Variants in NLRP14 observed in about 807,000 individuals in gnomAD.
NLRP14 encodes NACHT, LRR and PYD domains-containing protein 14.
NLRP14 carries 105 observed loss-of-function variants against 94.7 expected under a neutral mutation model. That is an observed-to-expected ratio of 1.11 (90% confidence interval 0.95 to 1.30). The LOEUF (loss-of-function observed/expected upper bound fraction) is 1.30. Ranked by LOEUF, NLRP14 falls within the 50% of genes most tolerant of loss-of-function variation. NLRP14 has a pLI of 0.00. For missense variants in NLRP14, 1,362 were observed against 1,254.1 expected (o/e 1.09, Z -1.30); for synonymous variants, 508 against 459.9 (o/e 1.10, Z -1.34).
chr11:7,082,036 C>G, the NLRP14 span, among the ~76,000 whole-genome samples: 1 of 152,132 alleles, frequency 6.6e-6, no homozygotes, highest in African/African-American at 2.4e-5. Flanking sequence ...CAAAGGGGCT[C>G]TTTATGGATA....
chr11:7,035,019 T>C (rs2119584492), intron 1 of NLRP14, among the ~76,000 whole-genome samples: 1 of 152,266 alleles, frequency 6.6e-6, no homozygotes, highest in South Asian at 2.1e-4. Context: ...GCACCATGGC[T>C]CATGCCTGTC....
the NLRP14 span, chr11:7,089,049 G>A: frequency 1.2e-5 from 19 of 1,532,702 alleles, no homozygotes; most frequent in African/African-American, 2.7e-5. Context: ...CTCGACGAGC[G>A]AGCTCGAAGG....
intron 1 of NLRP14, among the ~76,000 whole-genome samples, chr11:7,036,000 G>GT (rs1852155365): frequency 6.6e-6 from 1 of 152,132 alleles, no homozygotes; most frequent in Non-Finnish European, 1.5e-5. Flanking sequence ...CTGAGACTCC[G>GT]TATCTATAAA....
chr11:7,034,663 A>G (rs1453310593), intron 1 of NLRP14, among the ~76,000 whole-genome samples: 3 of 152,194 alleles, frequency 2.0e-5, no homozygotes, highest in Non-Finnish European at 4.4e-5. Flanking sequence ...TTAACAATAT[A>G]TCTTCAAATA....
the NLRP14 span, among the ~76,000 whole-genome samples, chr11:7,080,838 G>T: frequency 6.6e-6 from 1 of 152,194 alleles, no homozygotes; most frequent in Non-Finnish European, 1.5e-5. Flanking sequence ...AACATGAGAG[G>T]TGCTCCTGGC....
At chr11:7,031,385 G>A (rs1852092978) in intron 1 of NLRP14, among the ~76,000 whole-genome samples, 1 of 152,342 alleles carries the variant, frequency 6.6e-6, no homozygotes, top group African/African-American at 2.4e-5. Context: ...ACACCCCAGG[G>A]TGGGACACTT....
chr11:7,074,072 T>C (rs912883474), downstream of NLRP14, among the ~76,000 whole-genome samples: 5 of 152,138 alleles, frequency 3.3e-5, no homozygotes, highest in African/African-American at 1.2e-4. Context: ...GCCATCTCAT[T>C]AGCATACAAA....
chr11:7,089,510 C>A, the NLRP14 span: 1 of 1,225,236 alleles, frequency 8.2e-7, no homozygotes, highest in Non-Finnish European at 1.0e-6. Context: ...CCGATGATGA[C>A]GGCGGCTACA....
At chr11:7,029,960 A>G (rs1852068636) in intron 1 of NLRP14, among the ~76,000 whole-genome samples, 1 of 152,202 alleles carries the variant, frequency 6.6e-6, no homozygotes, top group African/African-American at 2.4e-5. Flanking sequence ...CTTAATGCCA[A>G]CGAATACTGG....
the NLRP14 span, among the ~76,000 whole-genome samples, chr11:7,087,402 G>GC: frequency 6.6e-6 from 1 of 152,176 alleles, no homozygotes; most frequent in South Asian, 2.1e-4. Flanking sequence ...CTTGCTTGGA[G>GC]CCCTGCAAAT....
the NLRP14 span, chr11:7,090,298 A>G: frequency 6.3e-7 from 1 of 1,592,508 alleles, no homozygotes; most frequent in Non-Finnish European, 8.6e-7. Context: ...AGCAGATACT[A>G]AGCAGGAACA....
the NLRP14 span, among the ~76,000 whole-genome samples, chr11:7,084,851 A>T: frequency 6.6e-6 from 1 of 152,164 alleles, no homozygotes; most frequent in South Asian, 2.1e-4. Context: ...CTGGGGATCC[A>T]CTTCTTGTGA....
the NLRP14 span, chr11:7,090,072 G>T: frequency 9.9e-6 from 16 of 1,612,256 alleles, no homozygotes; most frequent in South Asian, 1.2e-4. Context: ...CTCACCCGAT[G>T]CCTACAGCGG....
Position 7,034,698 on chromosome 11 carries a change from C to T in NLRP14, c.-21-3868C>T, listed in dbSNP as rs187757796. ...ATTCATTGTGGTTCTTGGTCAATTC[C>T]CTTACTGTGTCCAAACTGGTAAGTC... On this transcript the variant is annotated intron_variant, in intron 1 of 11. Transcript: ENST00000299481. Among the ~76,000 whole-genome samples the T allele has an allele frequency of 4.1e-3, 622 of 152,178 alleles. 7 individuals are homozygous for T. Among genetic ancestry groups the T allele is most frequent in the African/African-American group, 0.014 (576 of 41,506 alleles).
intron 4 of NLRP14, 114 bp downstream of exon 4, chr11:7,044,098 T>A (rs781499946): frequency 9.9e-6 from 10 of 1,010,220 alleles, no homozygotes; most frequent in Non-Finnish European, 1.5e-5. Context: ...CCCTCTGGAG[T>A]TGTCCCATCT....
In NLRP14 at chr11:7,062,451, A is replaced by T. The variant is rs750450972; in HGVS notation, c.2923A>T (p.Lys975Ter). 6.2e-7 allele frequency: 1 copy of T among 1,613,258 alleles called. No individual in the cohort carries two copies. Among genetic ancestry groups the T allele is most frequent in the Non-Finnish European group, 8.5e-7 (1 of 1,179,414 alleles). The change falls in exon 10 of 12, where the codon AAA becomes TAA. Residue 975 changes from lysine to a stop codon, truncating the protein, a stop_gained. Coordinates refer to ENST00000299481, the MANE Select transcript of NLRP14 (RefSeq NM_176822.4). LOFTEE classifies it high-confidence loss of function. ...CAACGATTTGCAGGATGATGGAGTG[A>T]AAATTCTGTGTGATGCTTTGAGATA... ...GNNDLQDDGV[K>*]ILCDALRYPN...
chr11:7,049,515 T>C (rs1852409815), intron 5 of NLRP14, among the ~76,000 whole-genome samples, 156 bp from the exon 6 acceptor site: 1 of 152,178 alleles, frequency 6.6e-6, no homozygotes, highest in South Asian at 2.1e-4. Context: ...TATCAGGTCA[T>C]AAATAGAAAT....
At chr11:7,082,844 C>T in the NLRP14 span, among the ~76,000 whole-genome samples, 1 of 152,172 alleles carries the variant, frequency 6.6e-6, no homozygotes, top group Admixed American at 6.5e-5. Context: ...GCTATTTTTA[C>T]CATTAGACAT....
Position 7,062,389 on chromosome 11 carries a change from T to C in NLRP14, c.2861T>C (p.Leu954Ser), listed in dbSNP as rs117583918. 53,301 of 1,612,844 alleles carry C rather than the reference T, an allele frequency of 0.033. 976 individuals are homozygous for C. The highest frequency in any genetic ancestry group is 0.052 in the Middle Eastern group (314 of 6,054). ...TGTCTGGATCTGGCTTCTGTTATTTTGAATAACCCAAACCTGAGGAGCCTG... is the reference window on the plus strand; with the variant it reads ...TGTCTGGATCTGGCTTCTGTTATTTCGAATAACCCAAACCTGAGGAGCCTG... Reference protein sequence around the residue: ...ACCLDLASVILNNPNLRSLDL... With the variant: ...ACCLDLASVISNNPNLRSLDL... Residue 954 changes from leucine to serine, a missense_variant, in exon 10 of 12, where the codon TTG becomes TCG. Leu to Ser is a moderately radical substitution (Grantham distance 145). Transcript: ENST00000299481.
Sources: allele counts gnomAD v4.1 joint callset (sites outside exome capture counted in the v4.1 genomes callset), GRCh38; gene constraint gnomAD v4.1.1; transcripts MANE v1.5; gene names NCBI Gene and HGNC (gene_info 2026-07-23, HGNC 2026-07-21).